Variants in ADAMTSL3 observed in about 807,000 individuals in gnomAD.
ADAMTSL3 encodes the protein ADAMTS-like protein 3.
ADAMTSL3 carries 128 observed loss-of-function variants against 201.7 expected under a neutral mutation model. The ratio of observed to expected loss-of-function variants is 0.63; its 90% CI spans 0.55 to 0.73. The LOEUF is 0.73. Among genes scored for constraint, ADAMTSL3 ranks in the 30% least tolerant of loss-of-function variants. The pLI is 0.00. For synonymous variants in ADAMTSL3, 738 were observed against 748.4 expected (o/e 0.99, Z 0.23); for missense variants, 1,990 against 2,119.6 (o/e 0.94, Z 1.20).
At chr15:83,860,222 T>A (rs189604956) in intron 8 of ADAMTSL3, among the ~76,000 whole-genome samples, 15 of 152,214 alleles carry the variant, frequency 9.9e-5, no homozygotes, top group African/African-American at 3.6e-4. Flanking sequence ...TCTAAAATAA[T>A]AATAGTATAT....
chr15:83,870,817 C>G lies in ADAMTSL3; in HGVS notation c.818C>G (p.Thr273Arg). 6.3e-7 allele frequency: 1 copy of G among 1,583,818 alleles called. No homozygotes were observed. Among genetic ancestry groups the G allele is most frequent in the Middle Eastern group, 1.7e-4 (1 of 5,970 alleles). ...GPAHLFIESK[T>R]LQGSKGEHSF... Reference sequence around the variant, plus strand: ...TTAATTTTAGTTATTGAATCAAAAACACTTCAAGGAAGCAAAGGAGAACAC... The same window carrying G: ...TTAATTTTAGTTATTGAATCAAAAAGACTTCAAGGAAGCAAAGGAGAACAC... The change falls in exon 9 of 30, where the codon ACA (threonine) becomes AGA (arginine). Residue 273 changes from threonine (T) to arginine (R), a missense_variant. Transcript: ENST00000286744.
chr15:83,964,367 T>G (rs1361933553), intron 19 of ADAMTSL3, among the ~76,000 whole-genome samples: 2 of 151,546 alleles, frequency 1.3e-5, no homozygotes, highest in Non-Finnish European at 2.9e-5. Flanking sequence ...GCACGAGAAC[T>G]TCATGAAGCA....
At chr15:83,885,312 G>A (rs904071593) in intron 10 of ADAMTSL3, 100 bp downstream of exon 10, 4 of 899,902 alleles carry the variant, frequency 4.4e-6, no homozygotes, top group African/African-American at 1.7e-5. Context: ...GTGGTGATTA[G>A]AGATGTCTCA....
chr15:83,662,813 G>A (rs894929103), intron 2 of ADAMTSL3, among the ~76,000 whole-genome samples: 1 of 152,132 alleles, frequency 6.6e-6, no homozygotes, highest in South Asian at 2.1e-4. Context: ...CTTTCCAAGG[G>A]TAGGAAACAA....
intron 8 of ADAMTSL3, among the ~76,000 whole-genome samples, chr15:83,860,759 T>C (rs1382430099): frequency 1.3e-5 from 2 of 152,110 alleles, no homozygotes; most frequent in Non-Finnish European, 2.9e-5. Context: ...AGACGGGTGA[T>C]TTCTGCATTT....
chr15:83,736,441 C>T (rs770252610), intron 3 of ADAMTSL3, among the ~76,000 whole-genome samples: 6 of 152,010 alleles, frequency 3.9e-5, no homozygotes, highest in Admixed American at 2.0e-4. Context: ...CTGTGATAGC[C>T]CTGGAAAAGA....
chr15:83,681,320 A>C (rs1261169657), intron 2 of ADAMTSL3, among the ~76,000 whole-genome samples: 3 of 152,194 alleles, frequency 2.0e-5, no homozygotes, highest in African/African-American at 7.2e-5. Flanking sequence ...GATCTTAAAG[A>C]CTTCTGAATA....
intron 9 of ADAMTSL3, among the ~76,000 whole-genome samples, chr15:83,882,282 C>A (rs532048828): frequency 1.3e-5 from 2 of 152,334 alleles, no homozygotes; most frequent in East Asian, 3.9e-4. Flanking sequence ...AGAAACAAAG[C>A]TCCTTAGCAG....
rs1431536926 is a variant in ADAMTSL3 at position 83,784,321 on chromosome 15, G to A, written c.317+10671G>A. On this transcript the variant is annotated intron_variant, in intron 4 of 29. Transcript: ENST00000286744. ...ATCATCTGCCACTCTAATGTAGTGG[G>A]AATTTGTGGATTCTCCTGTGGATCT... Among the ~76,000 whole-genome samples the A allele has an allele frequency of 2.6e-5, 4 of 152,182 alleles. No individual in the cohort carries two copies. In the East Asian group the frequency reaches 5.8e-4, roughly 22 times the overall value.
chr15:83,924,832 A>G (rs1347875287), intron 17 of ADAMTSL3, among the ~76,000 whole-genome samples: 2 of 152,082 alleles, frequency 1.3e-5, no homozygotes, highest in Non-Finnish European at 2.9e-5. Context: ...TGCGAGAAGA[A>G]TTAGTTGCCG....
intron 27 of ADAMTSL3, among the ~76,000 whole-genome samples, chr15:84,029,495 G>T (rs193220134): frequency 2.0e-5 from 3 of 152,310 alleles, no homozygotes; most frequent in East Asian, 3.9e-4. Flanking sequence ...GCATTCAAGA[G>T]GTGACTTGGA....
intron 19 of ADAMTSL3, among the ~76,000 whole-genome samples, chr15:83,945,414 T>G (rs1411340102): frequency 1.3e-5 from 2 of 152,194 alleles, no homozygotes; most frequent in African/African-American, 4.8e-5. Context: ...GTGGGTTTGC[T>G]TAATTTTCCT....
intron 25 of ADAMTSL3, among the ~76,000 whole-genome samples, chr15:84,017,407 G>A (rs1007368969): frequency 1.3e-5 from 2 of 152,204 alleles, no homozygotes; most frequent in Non-Finnish European, 2.9e-5. Context: ...GTGAGCCACT[G>A]TGCCCGGCCA....
At chr15:83,695,159 T>TG (rs1399432298) in intron 2 of ADAMTSL3, among the ~76,000 whole-genome samples, 77 of 56,422 alleles carry the variant, frequency 1.4e-3, no homozygotes, top group Non-Finnish European at 1.3e-3. Context: ...TATGTGTGTG[T>TG]GTATGTATGT....
At chr15:83,912,610 A>T (rs1057106470) in intron 15 of ADAMTSL3, among the ~76,000 whole-genome samples, 1 of 152,158 alleles carries the variant, frequency 6.6e-6, no homozygotes, top group Admixed American at 6.5e-5. Context: ...GGCTTCATCC[A>T]CTCTGTAGAA....
chr15:83,798,253 G>T (rs1385615364), intron 4 of ADAMTSL3, among the ~76,000 whole-genome samples: 1 of 152,174 alleles, frequency 6.6e-6, no homozygotes, highest in Non-Finnish European at 1.5e-5. Context: ...CCTACATTCT[G>T]AAATTTGCTT....
At chr15:83,876,936 G>A (rs2065187831) in intron 9 of ADAMTSL3, among the ~76,000 whole-genome samples, 1 of 152,132 alleles carries the variant, frequency 6.6e-6, no homozygotes, top group African/African-American at 2.4e-5. Context: ...GGGATTATAG[G>A]TGTATGCCAC....
intron 2 of ADAMTSL3, among the ~76,000 whole-genome samples, chr15:83,678,060 A>G (rs765898641): frequency 6.6e-6 from 1 of 151,892 alleles, no homozygotes; most frequent in African/African-American, 2.4e-5. Flanking sequence ...CCTTACCTCT[A>G]TTTAGGTCCC....
intron 4 of ADAMTSL3, among the ~76,000 whole-genome samples, chr15:83,798,521 G>A (rs1201349546): frequency 2.0e-5 from 3 of 151,940 alleles, no homozygotes; most frequent in Non-Finnish European, 2.9e-5. Flanking sequence ...TAAGAAACAG[G>A]GACAGGCTGG....
Sources: gnomAD v4.1 joint callset for allele counts (sites outside exome capture counted in the v4.1 genomes callset) on GRCh38, gnomAD v4.1.1 for gene constraint, MANE v1.5 for transcripts, NCBI Gene and HGNC (gene_info 2026-07-23, HGNC 2026-07-21) for gene names.